MPHOSPH9: variants seen among roughly 807,000 people sequenced by gnomAD.
MPHOSPH9 encodes M-phase phosphoprotein 9.
In MPHOSPH9, 88 loss-of-function variants were observed where a neutral mutation model predicts 145.5. The observed-to-expected ratio is 0.60, with a 90% CI of 0.51 to 0.72. The LOEUF (loss-of-function observed/expected upper bound fraction) is 0.72. Among genes scored for constraint, MPHOSPH9 ranks in the 30% least tolerant of loss-of-function variants. MPHOSPH9 has a pLI of 0.00. For synonymous variants in MPHOSPH9, 435 were observed against 486.2 expected (o/e 0.89, Z 1.39); for missense variants, 1,238 against 1,386.6 (o/e 0.89, Z 1.70).
intron 18 of MPHOSPH9, among the ~76,000 whole-genome samples, chr12:123,164,652 G>GT (rs1189861581): frequency 6.6e-6 from 1 of 152,356 alleles, no homozygotes; most frequent in African/African-American, 2.4e-5. Context: ...ATGTGTGCAA[G>GT]TAAGATGGAC....
intron 17 of MPHOSPH9, among the ~76,000 whole-genome samples, chr12:123,166,070 G>A (rs902751601): frequency 3.9e-5 from 6 of 152,132 alleles, no homozygotes; most frequent in South Asian, 4.1e-4. Context: ...CTCGGGGCTC[G>A]GGCTGGCCAG....
chr12:123,188,090 C>T (rs1001175795), intron 13 of MPHOSPH9, among the ~76,000 whole-genome samples: 1 of 152,136 alleles, frequency 6.6e-6, no homozygotes, highest in Non-Finnish European at 1.5e-5. Flanking sequence ...TGCGCCATTG[C>T]ACTCCAGCCT....
intron 5 of MPHOSPH9, among the ~76,000 whole-genome samples, chr12:123,220,011 C>T (rs1010906799): frequency 6.6e-5 from 10 of 151,942 alleles, no homozygotes; most frequent in East Asian, 1.9e-4. Flanking sequence ...CTGGCCAACA[C>T]GGCGAAACCC....
upstream of MPHOSPH9, among the ~76,000 whole-genome samples, chr12:123,234,807 TG>T (rs1163536794): frequency 2.0e-5 from 3 of 152,268 alleles, no homozygotes; most frequent in Non-Finnish European, 4.4e-5. Flanking sequence ...TCATTGAAGA[TG>T]GTTTTATCTT....
chr12:123,221,848 A>C lies in MPHOSPH9; in HGVS notation c.396T>G (p.Ser132Arg). 6.2e-7 allele frequency: 1 copy of C among 1,604,314 alleles called. No homozygotes were observed. Among genetic ancestry groups the C allele is most frequent in the Non-Finnish European group, 8.5e-7 (1 of 1,176,830 alleles). The change falls in exon 5 of 24, where the codon AGT becomes AGG. Residue 132 changes from serine to arginine, a missense_variant. This residue lies in a region of MPHOSPH9 where 837 missense variants were observed against 897.5 expected (regional missense o/e 0.93). Coordinates refer to ENST00000606320, the MANE Select transcript of MPHOSPH9 (RefSeq NM_022782.4). ...TTCCTTCACAGGAAGCTAAGGAAGC[A>C]CTACTAGTCTGTAATTTGACTAAAT... Reference protein sequence around the residue: ...IKNLVKLQTSSASLASCEGNS... With the variant: ...IKNLVKLQTSRASLASCEGNS...
intron 13 of MPHOSPH9, among the ~76,000 whole-genome samples, chr12:123,183,208 C>T (rs890846233): frequency 6.6e-6 from 1 of 151,352 alleles, no homozygotes; most frequent in African/African-American, 2.4e-5. Flanking sequence ...AACGAGGTGA[C>T]AGTAACAGGT....
At chr12:123,206,779 T>C (rs889535331) in intron 8 of MPHOSPH9, among the ~76,000 whole-genome samples, 1 of 151,798 alleles carries the variant, frequency 6.6e-6, no homozygotes. Context: ...CTGGGTATGG[T>C]AGTGCATGCC....
chr12:123,205,943 T>C (rs533790116), intron 8 of MPHOSPH9, among the ~76,000 whole-genome samples: 5 of 152,236 alleles, frequency 3.3e-5, no homozygotes, highest in Admixed American at 2.6e-4. Flanking sequence ...ATGAAGCTCC[T>C]GAGGACCAAT....
At chr12:123,203,463 A>G in intron 8 of MPHOSPH9, 88 bp from the exon 9 acceptor site, 1 of 1,234,076 alleles carries the variant, frequency 8.1e-7, no homozygotes, top group Non-Finnish European at 1.1e-6. Flanking sequence ...AAGATTTTTG[A>G]AAGACTTTAA....
At chr12:123,223,228 C>T in intron 3 of MPHOSPH9, 101 bp from the exon 4 acceptor site, 3 of 659,154 alleles carry the variant, frequency 4.6e-6, no homozygotes, top group Non-Finnish European at 6.7e-6. Flanking sequence ...GGTCATGATC[C>T]ATCCCAAATC....
chr12:123,175,613 C>A (rs2044816956), intron 16 of MPHOSPH9, among the ~76,000 whole-genome samples: 1 of 152,042 alleles, frequency 6.6e-6, no homozygotes, highest in African/African-American at 2.4e-5. Flanking sequence ...CTTACCAAGG[C>A]AATTTCTCTG....
Position 123,203,037 on chromosome 12 carries a change from A to T in MPHOSPH9, c.1368T>A (p.Ile456=), listed in dbSNP as rs1465955866. The T allele has an allele frequency of 1.9e-6, 3 of 1,614,142 alleles. No individual in the cohort carries two copies. Among genetic ancestry groups the T allele is most frequent in the Non-Finnish European group, 2.5e-6 (3 of 1,180,024 alleles). Residue 456 remains isoleucine (I), a synonymous_variant, in exon 10 of 24, where the codon ATT becomes ATA. Coordinates refer to ENST00000606320, the MANE Select transcript of MPHOSPH9 (RefSeq NM_022782.4). ...PTLHMKPKQQ[I]SGIQPHGLPN... The stretch of plus-strand genomic sequence containing the variant: ...GAAGGCCGTGAGGTTGAATCCCTGA[A>T]ATCTGCTGCTTTGGCTTCATGTGTA...
At chr12:123,219,426 G>A (rs867471132) in intron 5 of MPHOSPH9, among the ~76,000 whole-genome samples, 6 of 151,030 alleles carry the variant, frequency 4.0e-5, no homozygotes, top group Non-Finnish European at 8.9e-5. Context: ...GTGAAACCCC[G>A]TCTCTACTAA....
In MPHOSPH9 at chr12:123,163,088, T is replaced by C. The variant is rs1216096778; in HGVS notation, c.2955A>G (p.Pro985=). 3 of 1,595,164 alleles carry C rather than the reference T, an allele frequency of 1.9e-6. No homozygotes were observed. The highest frequency in any genetic ancestry group is 2.6e-6 in the Non-Finnish European group (3 of 1,174,588). ...MLTPVTVAYS[P]KRSPKENLSP... is the part of the protein sequence containing the mutation. ...ACAAGTTTTCTTTAGGGGATCGCTT[T>C]GGACTATAAGCCACAGTCACTGGTG... The change falls in exon 20 of 24, where the codon CCA becomes CCG. Residue 985 remains proline (P), a synonymous_variant. Coordinates refer to ENST00000606320, the MANE Select transcript of MPHOSPH9 (RefSeq NM_022782.4).
At chr12:123,210,482 C>T (rs999977386) in intron 7 of MPHOSPH9, among the ~76,000 whole-genome samples, 1 of 152,040 alleles carries the variant, frequency 6.6e-6, no homozygotes, top group Non-Finnish European at 1.5e-5. Context: ...TACCTAACGT[C>T]AGGAGTTTGA....
intron 2 of MPHOSPH9, among the ~76,000 whole-genome samples, chr12:123,228,675 A>G (rs2047524516): frequency 6.6e-6 from 1 of 152,330 alleles, no homozygotes; most frequent in Admixed American, 6.5e-5. Context: ...TGACAGAGCA[A>G]GACTCCGTCA....
At chr12:123,165,804 G>A (rs2044294754) in intron 17 of MPHOSPH9, among the ~76,000 whole-genome samples, 1 of 152,176 alleles carries the variant, frequency 6.6e-6, no homozygotes, top group African/African-American at 2.4e-5. Context: ...GCCTCCAGAG[G>A]TAGAGAAAGA....
intron 8 of MPHOSPH9, among the ~76,000 whole-genome samples, chr12:123,204,955 G>T (rs866859225): frequency 6.6e-6 from 1 of 152,158 alleles, no homozygotes; most frequent in Non-Finnish European, 1.5e-5. Flanking sequence ...ATGTTGCAGA[G>T]AGGTCTAGGC....
intron 7 of MPHOSPH9, 76 bp from the exon 8 acceptor site, chr12:123,210,238 T>C: frequency 1.3e-6 from 1 of 746,300 alleles, no homozygotes; most frequent in Admixed American, 3.0e-5. Context: ...CATTTCTACC[T>C]AAAGGAAATT....
Sources: gnomAD v4.1 joint callset for allele counts (sites outside exome capture counted in the v4.1 genomes callset) on GRCh38, gnomAD v4.1.1 for gene constraint, gnomAD v4.1.1 regional missense constraint, MANE v1.5 for transcripts, NCBI Gene and HGNC (gene_info 2026-07-23, HGNC 2026-07-21) for gene names.